Variants in AGBL1 observed in about 807,000 individuals in gnomAD.
The protein encoded by AGBL1 is cytosolic carboxypeptidase 4.
Under a neutral mutation model 118.9 loss-of-function variants are expected in AGBL1, and 130 were observed. The ratio of observed to expected loss-of-function variants is 1.09; its 90% CI spans 0.95 to 1.26. The LOEUF is 1.26. Among genes scored for constraint, AGBL1 ranks in the 50% most tolerant of loss-of-function variants. The pLI is 0.00. For synonymous variants in AGBL1, 555 were observed against 478.9 expected (o/e 1.16, Z -2.08); for missense variants, 1,584 against 1,298.1 (o/e 1.22, Z -3.38).
intron 22 of AGBL1, among the ~76,000 whole-genome samples, chr15:86,698,747 C>T (rs1171514222): frequency 1.3e-5 from 2 of 151,460 alleles, no homozygotes; most frequent in African/African-American, 4.9e-5. Context: ...CTAAAAAAGA[C>T]AGTAGGAATT....
intron 18 of AGBL1, among the ~76,000 whole-genome samples, chr15:86,456,216 A>G (rs1399861874): frequency 6.6e-6 from 1 of 152,218 alleles, no homozygotes; most frequent in Non-Finnish European, 1.5e-5. Flanking sequence ...TGAGTTGGGT[A>G]AATTTTGCAT....
At chr15:86,181,520 C>T (rs2077552748) in intron 5 of AGBL1, among the ~76,000 whole-genome samples, 1 of 151,616 alleles carries the variant, frequency 6.6e-6, no homozygotes, top group South Asian at 2.1e-4. Context: ...GTTGGAGGTA[C>T]ATATGGAGTA....
chr15:86,694,239 T>A (rs2086218751), intron 22 of AGBL1, among the ~76,000 whole-genome samples: 1 of 152,152 alleles, frequency 6.6e-6, no homozygotes, highest in Non-Finnish European at 1.5e-5. Context: ...ATGGGATGTG[T>A]TTCCATTTGT....
Position 86,367,797 on chromosome 15 carries a change from C to T in AGBL1, c.2375-29569C>T, listed in dbSNP as rs921212910. 1.1e-4 allele frequency among the ~76,000 whole-genome samples: 17 copies of T among 152,210 alleles called. No individual in the cohort carries two copies. The East Asian group carries it at 2.3e-3, about 21-fold the overall frequency. On this transcript the variant is annotated intron_variant, in intron 17 of 22. Coordinates refer to ENST00000614907, the MANE Select transcript of AGBL1 (RefSeq NM_001386094.1). ...GTTGGTAGATAAAATATAATTTAAA[C>T]ACATGAAAAGAACATAAGTCCAGAA...
At chr15:86,795,845 CAA>C (rs2078562971) in intron 22 of AGBL1, among the ~76,000 whole-genome samples, 1 of 151,528 alleles carries the variant, frequency 6.6e-6, no homozygotes, top group African/African-American at 2.4e-5. Flanking sequence ...CCCAGCCCCG[CAA>C]AGTGCTGGGA....
intron 18 of AGBL1, among the ~76,000 whole-genome samples, chr15:86,503,541 T>C (rs1171454030): frequency 1.3e-5 from 2 of 151,260 alleles, no homozygotes; most frequent in Non-Finnish European, 3.0e-5. Context: ...GATTGTTATG[T>C]TTTAAAATAA....
At chr15:86,573,981 T>A (rs1341897982) in intron 21 of AGBL1, among the ~76,000 whole-genome samples, 1 of 152,082 alleles carries the variant, frequency 6.6e-6, no homozygotes. Flanking sequence ...TACAAAACAT[T>A]TTCATAAACT....
chr15:86,284,191 T>TAA (rs5814235), intron 16 of AGBL1, among the ~76,000 whole-genome samples: 3 of 142,814 alleles, frequency 2.1e-5, no homozygotes, highest in Non-Finnish European at 4.6e-5. Context: ...AAAATTAAAA[T>TAA]AAAAAAAAAA....
intron 22 of AGBL1, among the ~76,000 whole-genome samples, chr15:86,845,380 T>C (rs1381872891): frequency 6.6e-6 from 1 of 152,158 alleles, no homozygotes; most frequent in Non-Finnish European, 1.5e-5. Flanking sequence ...CAATACAGTG[T>C]ACACTCTATT....
At chr15:86,374,033 G>A (rs2141948709) in intron 17 of AGBL1, among the ~76,000 whole-genome samples, 1 of 152,314 alleles carries the variant, frequency 6.6e-6, no homozygotes, top group African/African-American at 2.4e-5. Context: ...GTTAGCAGGT[G>A]AGGAATTCCT....
At chr15:86,301,086 C>T (rs1408958198) in intron 17 of AGBL1, among the ~76,000 whole-genome samples, 3 of 152,176 alleles carry the variant, frequency 2.0e-5, no homozygotes, top group African/African-American at 7.2e-5. Flanking sequence ...AAGAACAGAG[C>T]TTTCCGTTGG....
At chr15:86,409,270 G>C (rs939838351) in intron 18 of AGBL1, among the ~76,000 whole-genome samples, 8 of 152,106 alleles carry the variant, frequency 5.3e-5, no homozygotes, top group Non-Finnish European at 1.0e-4. Flanking sequence ...CAGCACTGAG[G>C]GCCCTGGTTC....
At chr15:86,702,018 C>G (rs2086369405) in intron 22 of AGBL1, among the ~76,000 whole-genome samples, 1 of 150,666 alleles carries the variant, frequency 6.6e-6, no homozygotes, top group African/African-American at 2.4e-5. Flanking sequence ...TACCCCAACC[C>G]TTCTCTCCTC....
intron 17 of AGBL1, among the ~76,000 whole-genome samples, chr15:86,395,902 C>A (rs867250274): frequency 7.3e-5 from 11 of 151,198 alleles, no homozygotes; most frequent in African/African-American, 2.4e-4. Flanking sequence ...TCAATTTTTT[C>A]TTTCTTTGTG....
intron 6 of AGBL1, among the ~76,000 whole-genome samples, chr15:86,232,974 G>A (rs1326554716): frequency 6.6e-6 from 1 of 152,204 alleles, no homozygotes; most frequent in East Asian, 1.9e-4. Context: ...ACGGAGCACA[G>A]CACTTGCTAG....
chr15:86,784,783 CTA>C (rs2078383555), intron 22 of AGBL1, among the ~76,000 whole-genome samples: 1 of 152,124 alleles, frequency 6.6e-6, no homozygotes, highest in African/African-American at 2.4e-5. Flanking sequence ...TGCTCAGTAG[CTA>C]TAGCCCGAGT....
At chr15:86,712,100 A>C (rs754271210) in intron 22 of AGBL1, among the ~76,000 whole-genome samples, 1 of 152,144 alleles carries the variant, frequency 6.6e-6, no homozygotes, top group Non-Finnish European at 1.5e-5. Flanking sequence ...TTCTGACTCT[A>C]TAGCCTTTGA....
At chr15:86,827,439 A>ACG (rs1567194795) in intron 22 of AGBL1, among the ~76,000 whole-genome samples, 15 of 10,156 alleles carry the variant, frequency 1.5e-3, no homozygotes, top group African/African-American at 7.9e-3. Context: ...ACACATATAT[A>ACG]TATGTGTGTG....
intron 22 of AGBL1, among the ~76,000 whole-genome samples, chr15:86,798,064 A>G (rs1234612093): frequency 1.3e-5 from 2 of 152,200 alleles, no homozygotes; most frequent in African/African-American, 2.4e-5. Context: ...CACTTGGTAC[A>G]GATGTTGCAA....
Sources: allele counts gnomAD v4.1 joint callset (sites outside exome capture counted in the v4.1 genomes callset), GRCh38; gene constraint gnomAD v4.1.1; transcripts MANE v1.5; gene names NCBI Gene and HGNC (gene_info 2026-07-23, HGNC 2026-07-21).